The following EDARADD variants were observed in gnomAD, a reference collection of about 807,000 sequenced individuals.
EDARADD encodes the protein ectodysplasin-A receptor-associated adapter protein.
Under a neutral mutation model 25.6 loss-of-function variants are expected in EDARADD, and 20 were observed. The observed-to-expected ratio is 0.78, with a 90% CI of 0.55 to 1.14. The LOEUF (loss-of-function observed/expected upper bound fraction) is 1.14. Among genes scored for constraint, EDARADD ranks in the 50% most tolerant of loss-of-function variants. The pLI is 0.00. For missense variants in EDARADD, 225 were observed against 270.1 expected (o/e 0.83, Z 1.17); for synonymous variants, 86 against 94.4 (o/e 0.91, Z 0.52).
chr1:236,392,108 T>C (rs4659665), upstream of EDARADD, among the ~76,000 whole-genome samples: 121,748 of 152,142 alleles, frequency 0.8, 49,311 homozygotes, highest in East Asian at 0.92. Context: ...AATTTTGTTT[T>C]GTTCATGGGG....
intron 3 of EDARADD, among the ~76,000 whole-genome samples, chr1:236,377,865 C>A (rs535771412): frequency 8.6e-5 from 13 of 151,130 alleles, no homozygotes; most frequent in South Asian, 2.1e-4. Context: ...AAAAAAAAAA[C>A]AAAAACAGAA....
At chr1:236,475,523 G>A (rs1659477686) in intron 5 of EDARADD, among the ~76,000 whole-genome samples, 1 of 152,170 alleles carries the variant, frequency 6.6e-6, no homozygotes, top group African/African-American at 2.4e-5. Flanking sequence ...CCAGCGTTTT[G>A]GGAGGCTGAG....
intron 1 of EDARADD, among the ~76,000 whole-genome samples, chr1:236,399,622 A>G (rs763668880): frequency 3.3e-5 from 5 of 152,232 alleles, no homozygotes; most frequent in African/African-American, 7.2e-5. Flanking sequence ...CCACTGAGAA[A>G]CAGTCTCACA....
chr1:236,360,537 GTTTTTTT>G (rs869053977), intron 3 of EDARADD, among the ~76,000 whole-genome samples: 30,600 of 130,942 alleles, frequency 0.23, 3,283 homozygotes, highest in East Asian at 0.38. Flanking sequence ...TTAATTCACG[GTTTTTTT>G]TTTTTTTTTT....
At chr1:236,412,860 G>A (rs1252005079) in intron 2 of EDARADD, among the ~76,000 whole-genome samples, 1 of 151,974 alleles carries the variant, frequency 6.6e-6, no homozygotes, top group African/African-American at 2.4e-5. Context: ...GACAAGTACT[G>A]TTTATTTTTA....
intron 2 of EDARADD, among the ~76,000 whole-genome samples, chr1:236,410,149 A>G (rs1657420666): frequency 6.6e-6 from 1 of 152,042 alleles, no homozygotes; most frequent in African/African-American, 2.4e-5. Flanking sequence ...ACGTGGATGC[A>G]TAGCATAATG....
At chr1:236,442,080 G>A (rs777295489) in intron 4 of EDARADD, among the ~76,000 whole-genome samples, 2 of 151,586 alleles carry the variant, frequency 1.3e-5, no homozygotes, top group African/African-American at 4.8e-5. Context: ...CAGTGTAGAC[G>A]AAACAACCTT....
At chr1:236,394,240 T>A (rs187930204), upstream of EDARADD, 34 of 576,512 alleles carry the variant, frequency 5.9e-5, no homozygotes, top group African/African-American at 3.9e-4. Flanking sequence ...AAATTGATTC[T>A]AAGATAAAAT....
chr1:236,468,094 G>C (rs1003601106), intron 4 of EDARADD, 137 bp from the exon 5 acceptor site: 3 of 790,792 alleles, frequency 3.8e-6, no homozygotes, highest in Non-Finnish European at 6.7e-6. Flanking sequence ...CCATTAAAAT[G>C]CCATTCTCAA....
At chr1:236,466,067 A>AATACCACAAAT (rs1659177209) in intron 4 of EDARADD, among the ~76,000 whole-genome samples, 1 of 152,206 alleles carries the variant, frequency 6.6e-6, no homozygotes, top group South Asian at 2.1e-4. Flanking sequence ...TTTTAGCAGG[A>AATACCACAAAT]ACCTCAAATA....
intron 1 of EDARADD, among the ~76,000 whole-genome samples, chr1:236,397,877 A>G (rs1667545736): frequency 6.6e-6 from 1 of 151,980 alleles, no homozygotes; most frequent in Non-Finnish European, 1.5e-5. Context: ...TTCCTAACAT[A>G]TTGTTTCGTT....
At chr1:236,364,248 A>T (rs1572110173) in intron 3 of EDARADD, among the ~76,000 whole-genome samples, 1 of 152,244 alleles carries the variant, frequency 6.6e-6, no homozygotes, top group South Asian at 2.1e-4. Flanking sequence ...GAATGAACTA[A>T]TATATTATCC....
At chr1:236,443,556 A>G (rs1658456907) in intron 4 of EDARADD, among the ~76,000 whole-genome samples, 1 of 152,234 alleles carries the variant, frequency 6.6e-6, no homozygotes, top group Non-Finnish European at 1.5e-5. Flanking sequence ...CAGTAGAAAT[A>G]GCAAGAGAAT....
chr1:236,431,911 G>T, intron 4 of EDARADD, among the ~76,000 whole-genome samples: 1 of 37,992 alleles, frequency 2.6e-5, no homozygotes. Context: ...CTGGGCGACA[G>T]AGCGAGACTC....
At chr1:236,480,640 T>A (rs1422268447) in intron 5 of EDARADD, among the ~76,000 whole-genome samples, 1 of 152,210 alleles carries the variant, frequency 6.6e-6, no homozygotes, top group Non-Finnish European at 1.5e-5. Flanking sequence ...CCCAGAATTT[T>A]CCAAGCCAGT....
intron 3 of EDARADD, among the ~76,000 whole-genome samples, chr1:236,366,082 A>G (rs1228371834): frequency 6.6e-6 from 1 of 152,254 alleles, no homozygotes; most frequent in African/African-American, 2.4e-5. Context: ...CATCGGTGTC[A>G]GTTCTGGGAC....
At chr1:236,362,420 G>A (rs1056937002) in intron 3 of EDARADD, among the ~76,000 whole-genome samples, 1 of 152,132 alleles carries the variant, frequency 6.6e-6, no homozygotes, top group African/African-American at 2.4e-5. Flanking sequence ...GTCAAGTTTT[G>A]CGAGATATTT....
chr1:236,388,657 T>C (rs540848726), intron 3 of EDARADD, among the ~76,000 whole-genome samples: 32 of 152,268 alleles, frequency 2.1e-4, no homozygotes, highest in African/African-American at 2.4e-5. Flanking sequence ...AAATGGGACC[T>C]TCCCCCCGCA....
chr1:236,353,715 T>A (rs758977341), intron 3 of EDARADD, among the ~76,000 whole-genome samples: 1 of 150,496 alleles, frequency 6.6e-6, no homozygotes, highest in Non-Finnish European at 1.5e-5. Context: ...GGACTAAGGT[T>A]GGTGTTTAAA....
Sources: allele counts gnomAD v4.1 joint callset (sites outside exome capture counted in the v4.1 genomes callset), GRCh38; gene constraint gnomAD v4.1.1; transcripts MANE v1.5; gene names NCBI Gene and HGNC (gene_info 2026-07-23, HGNC 2026-07-21).